The following KCNK5 variants were observed in gnomAD, a reference collection of about 807,000 sequenced individuals.
KCNK5 encodes potassium channel subfamily K member 5.
KCNK5 carries 18 observed loss-of-function variants against 32.9 expected under a neutral mutation model. The observed-to-expected ratio is 0.55, with a 90% CI of 0.38 to 0.81. The LOEUF is 0.81. Ranked by LOEUF, KCNK5 falls within the 30% of genes least tolerant of loss-of-function variation. The pLI, the probability that KCNK5 is intolerant of heterozygous loss-of-function variation, is 0.00. For missense variants in KCNK5, 507 were observed against 651.0 expected, an observed-to-expected ratio of 0.78 and a Z score of 2.41; for synonymous variants, 276 against 275.3, an observed-to-expected ratio of 1.00 and a Z score of -0.03.
At chr6:39,211,386 A>G (rs1771334871) in intron 1 of KCNK5, among the ~76,000 whole-genome samples, 1 of 152,174 alleles carries the variant, frequency 6.6e-6, no homozygotes, top group South Asian at 2.1e-4. Flanking sequence ...GCACAAACAC[A>G]TGCTTTCTGT....
chr6:39,196,645 C>T (rs968637642), intron 1 of KCNK5, among the ~76,000 whole-genome samples: 2 of 152,234 alleles, frequency 1.3e-5, no homozygotes, highest in Admixed American at 1.3e-4. Flanking sequence ...TTTCCCCCAG[C>T]CTAGGACTCT....
chr6:39,225,084 C>T (rs1771627141), intron 1 of KCNK5, among the ~76,000 whole-genome samples: 1 of 151,942 alleles, frequency 6.6e-6, no homozygotes, highest in African/African-American at 2.4e-5. Flanking sequence ...TCAGGCTGGA[C>T]CAGACCCTCG....
intron 1 of KCNK5, 127 bp from the exon 2 acceptor site, chr6:39,196,114 C>T: frequency 5.1e-6 from 3 of 591,338 alleles, no homozygotes; most frequent in Non-Finnish European, 8.8e-6. Context: ...GCAGTGTCTC[C>T]ATGTTACAGA....
intron 1 of KCNK5, among the ~76,000 whole-genome samples, chr6:39,214,929 G>A (rs942081949): frequency 3.9e-5 from 6 of 152,192 alleles, no homozygotes; most frequent in Non-Finnish European, 8.8e-5. Context: ...ATGATGTCCA[G>A]TACTTCATTC....
intron 1 of KCNK5, among the ~76,000 whole-genome samples, chr6:39,216,685 A>G (rs1293502831): frequency 6.6e-6 from 1 of 152,106 alleles, no homozygotes; most frequent in African/African-American, 2.4e-5. Flanking sequence ...GTCACTTATC[A>G]TTGTTGGGAA....
intron 1 of KCNK5, among the ~76,000 whole-genome samples, chr6:39,204,648 C>G (rs755434736): frequency 6.6e-6 from 1 of 152,236 alleles, no homozygotes; most frequent in Non-Finnish European, 1.5e-5. Context: ...AAAGCTCCCC[C>G]AGGTGATTCT....
intron 1 of KCNK5, among the ~76,000 whole-genome samples, chr6:39,201,431 A>T (rs1278398956): frequency 6.6e-6 from 1 of 151,820 alleles, no homozygotes; most frequent in Non-Finnish European, 1.5e-5. Flanking sequence ...TTGTATTTTT[A>T]GTAGAGACGG....
rs532246512 is a variant in KCNK5, at chr6:39,226,870, G to A, written c.186+2056C>T. 1.6e-4 allele frequency among the ~76,000 whole-genome samples: 25 copies of A among 152,304 alleles called. No individual in the cohort carries two copies. The East Asian group carries it at 4.8e-3, about 29-fold the overall frequency. On this transcript the variant is annotated intron_variant, in intron 1 of 4. Transcript: ENST00000359534. ...GTTTCTTTGGCCGGGGATGAGGACA[G>A]GGCTGTCCTTGTTCAAGAACTTATC...
intron 4 of KCNK5, among the ~76,000 whole-genome samples, chr6:39,192,742 A>G (rs1004592228): frequency 1.3e-5 from 2 of 152,010 alleles, no homozygotes; most frequent in African/African-American, 4.8e-5. Context: ...TACCCCCTAC[A>G]GCTCTGAAGG....
At chr6:39,203,852 C>T (rs1453061985) in intron 1 of KCNK5, among the ~76,000 whole-genome samples, 7 of 152,242 alleles carry the variant, frequency 4.6e-5, no homozygotes, top group Admixed American at 2.0e-4. Context: ...AGGCTCAGGC[C>T]TTCTCCATCT....
At chr6:39,226,036 C>G (rs1384733911) in intron 1 of KCNK5, among the ~76,000 whole-genome samples, 3 of 152,212 alleles carry the variant, frequency 2.0e-5, no homozygotes, top group Non-Finnish European at 2.9e-5. Context: ...ACCAAACACT[C>G]ATTTTGCAGA....
chr6:39,200,546 G>T (rs1163306425), intron 1 of KCNK5, among the ~76,000 whole-genome samples: 3 of 152,140 alleles, frequency 2.0e-5, no homozygotes, highest in Non-Finnish European at 2.9e-5. Flanking sequence ...CTAGAACCCA[G>T]GCCCATCTGG....
chr6:39,217,118 CAAAAAAAAAAA>C (rs57204833), intron 1 of KCNK5, among the ~76,000 whole-genome samples: 29 of 74,448 alleles, frequency 3.9e-4, no homozygotes, highest in Non-Finnish European at 3.7e-4. Flanking sequence ...AAAACTCCAT[CAAAAAAAAAAA>C]AAAAAAAAAA....
intron 1 of KCNK5, among the ~76,000 whole-genome samples, 183 bp downstream of exon 1, chr6:39,228,743 T>G (rs1771715839): frequency 6.6e-6 from 1 of 152,158 alleles, no homozygotes; most frequent in African/African-American, 2.4e-5. Flanking sequence ...GGGACCCCTG[T>G]GTCCCTCGGG....
chr6:39,200,550 C>T (rs1223461923), intron 1 of KCNK5, among the ~76,000 whole-genome samples: 1 of 152,124 alleles, frequency 6.6e-6, no homozygotes, highest in Non-Finnish European at 1.5e-5. Context: ...AACCCAGGCC[C>T]ATCTGGGTCC....
At chr6:39,212,227 T>C (rs1047168005) in intron 1 of KCNK5, among the ~76,000 whole-genome samples, 1 of 152,132 alleles carries the variant, frequency 6.6e-6, no homozygotes, top group Non-Finnish European at 1.5e-5. Flanking sequence ...GAAGCAGAGG[T>C]AGCAGTGTGC....
chr6:39,203,559 C>G (rs1452563312), intron 1 of KCNK5, among the ~76,000 whole-genome samples: 2 of 152,240 alleles, frequency 1.3e-5, no homozygotes. Flanking sequence ...TGGCAGCCGC[C>G]AGTACCTCCC....
chr6:39,218,562 C>T (rs1460620114), intron 1 of KCNK5, among the ~76,000 whole-genome samples: 1 of 152,048 alleles, frequency 6.6e-6, no homozygotes, highest in Non-Finnish European at 1.5e-5. Context: ...TGCCAGACCT[C>T]CCAGAGTCAG....
chr6:39,211,546 C>T (rs1771338600), intron 1 of KCNK5, among the ~76,000 whole-genome samples: 1 of 152,190 alleles, frequency 6.6e-6, no homozygotes, highest in Admixed American at 6.5e-5. Context: ...TCTAGTACTG[C>T]CCAAGAGAAC....
Sources: gnomAD v4.1 joint callset for allele counts (sites outside exome capture counted in the v4.1 genomes callset) on GRCh38, gnomAD v4.1.1 for gene constraint, MANE v1.5 for transcripts, NCBI Gene and HGNC (gene_info 2026-07-23, HGNC 2026-07-21) for gene names.